Variants in PPP1R12A observed in about 807,000 individuals in gnomAD.
PPP1R12A encodes the protein protein phosphatase 1 regulatory subunit 12A.
PPP1R12A carries 19 observed loss-of-function variants against 139.6 expected under a neutral mutation model. That is an observed-to-expected ratio of 0.14 (90% CI 0.09 to 0.20). The LOEUF is 0.20. Among genes scored for constraint, PPP1R12A ranks in the 10% least tolerant of loss-of-function variants. PPP1R12A has a pLI of 1.00. For synonymous variants in PPP1R12A, 427 were observed against 420.6 expected, an observed-to-expected ratio of 1.02 and a Z score of -0.19; for missense variants, 925 against 1,211.5, an observed-to-expected ratio of 0.76 and a Z score of 3.51.
intron 1 of PPP1R12A, among the ~76,000 whole-genome samples, chr12:79,879,500 G>A (rs1224399849): frequency 6.6e-6 from 1 of 152,050 alleles, no homozygotes; most frequent in Non-Finnish European, 1.5e-5. Flanking sequence ...GTGTAGAAAG[G>A]GAGATCCTAT....
intron 1 of PPP1R12A, among the ~76,000 whole-genome samples, chr12:79,933,170 A>C (rs759300222): frequency 1.3e-5 from 2 of 152,250 alleles, no homozygotes; most frequent in Non-Finnish European, 2.9e-5. Context: ...AATTAATGAA[A>C]TTGAGAAAGC....
intron 6 of PPP1R12A, among the ~76,000 whole-genome samples, chr12:79,821,377 T>C (rs1012060944): frequency 1.3e-5 from 2 of 152,184 alleles, no homozygotes; most frequent in African/African-American, 2.4e-5. Flanking sequence ...AGGGCTAAGA[T>C]GGATTTTTTA....
chr12:79,896,940 A>T (rs192565329), intron 1 of PPP1R12A, among the ~76,000 whole-genome samples: 25 of 152,328 alleles, frequency 1.6e-4, no homozygotes, highest in African/African-American at 6.0e-4. Flanking sequence ...TCAAAAATTA[A>T]AACAACCTCG....
chr12:79,793,722 GCAAA>G (rs1404268800), intron 19 of PPP1R12A, 137 bp downstream of exon 19: 3 of 595,220 alleles, frequency 5.0e-6, no homozygotes, highest in Non-Finnish European at 8.4e-6. Flanking sequence ...TGATCCCCAG[GCAAA>G]CACTGATATT....
At chr12:79,865,715 A>G (rs926795093) in intron 2 of PPP1R12A, among the ~76,000 whole-genome samples, 1 of 152,210 alleles carries the variant, frequency 6.6e-6, no homozygotes, top group Admixed American at 6.5e-5. Context: ...ACTCCCATTC[A>G]CAATTGCTAC....
chr12:79,924,701 T>C (rs926818952), intron 1 of PPP1R12A, among the ~76,000 whole-genome samples: 8 of 152,176 alleles, frequency 5.3e-5, no homozygotes, highest in African/African-American at 1.7e-4. Flanking sequence ...AGTGCTGGGA[T>C]TACAGGCATG....
At chr12:79,834,153 C>T (rs565793842) in intron 3 of PPP1R12A, among the ~76,000 whole-genome samples, 1 of 152,048 alleles carries the variant, frequency 6.6e-6, no homozygotes, top group South Asian at 2.1e-4. Context: ...GGAAAGGAAA[C>T]AGAAAGGGTA....
intron 2 of PPP1R12A, among the ~76,000 whole-genome samples, chr12:79,850,248 A>T (rs570425036): frequency 2.0e-5 from 3 of 152,206 alleles, no homozygotes; most frequent in African/African-American, 7.2e-5. Context: ...GACATGATCC[A>T]AAAGGATTTT....
At chr12:79,912,513 G>A (rs1477406337) in intron 1 of PPP1R12A, among the ~76,000 whole-genome samples, 8 of 151,800 alleles carry the variant, frequency 5.3e-5, no homozygotes, top group Non-Finnish European at 1.2e-4. Flanking sequence ...GCAACATAGC[G>A]AGACCCCCAA....
At chr12:79,778,869 A>G (rs1870064661) in intron 23 of PPP1R12A, 2 of 264,038 alleles carry the variant, frequency 7.6e-6, no homozygotes, top group Non-Finnish European at 1.5e-5. Flanking sequence ...TTTTGAGTTC[A>G]TGTAAAACTT....
At chr12:79,801,388 CTCTT>C (rs943658070) in intron 14 of PPP1R12A, among the ~76,000 whole-genome samples, 2 of 93,430 alleles carry the variant, frequency 2.1e-5, no homozygotes, top group South Asian at 3.5e-4. Flanking sequence ...AAAAAAAAGC[CTCTT>C]TCTTTTGTTA....
intron 1 of PPP1R12A, among the ~76,000 whole-genome samples, chr12:79,914,858 T>TAA (rs748467767): frequency 2.0e-4 from 29 of 144,906 alleles, no homozygotes; most frequent in African/African-American, 7.3e-4. Context: ...TGGTTTTCTA[T>TAA]TAAAAAAAAA....
chr12:79,778,562 T>C lies in PPP1R12A; in HGVS notation c.2994A>G (p.Glu998=). 1 of 1,536,934 alleles carries C rather than the reference T, an allele frequency of 6.5e-7. No individual in the cohort carries two copies. Among genetic ancestry groups the C allele is most frequent in the Non-Finnish European group, 8.8e-7 (1 of 1,137,766 alleles). Residue 998 remains glutamate (E), a synonymous_variant, in exon 24 of 25, where the codon GAA becomes GAG. Transcript: ENST00000450142. ...ATAGTTTACTTACTTTGAGCTCTTC[T>C]TCCATTTCAGATATTCTTCTTTCTA... The part of the protein sequence containing the change: ...RALERRISEM[E]EELKMLPDLK...
At chr12:79,832,709 C>T (rs1877572264) in intron 3 of PPP1R12A, 4 of 373,118 alleles carry the variant, frequency 1.1e-5, no homozygotes, top group South Asian at 8.3e-5. Context: ...TTTTGCTTCA[C>T]AATACTATTT....
chr12:79,844,295 C>T (rs996436988), intron 3 of PPP1R12A, among the ~76,000 whole-genome samples: 3 of 152,142 alleles, frequency 2.0e-5, no homozygotes, highest in Non-Finnish European at 2.9e-5. Flanking sequence ...ATATCTAACA[C>T]GCAAAACAAA....
At chr12:79,911,067 C>T (rs1338025483) in intron 1 of PPP1R12A, among the ~76,000 whole-genome samples, 1 of 152,104 alleles carries the variant, frequency 6.6e-6, no homozygotes, top group East Asian at 1.9e-4. Context: ...CAGCCATGTC[C>T]TAACCTATTT....
chr12:79,866,969 G>A (rs1227946470), intron 2 of PPP1R12A, among the ~76,000 whole-genome samples: 1 of 152,156 alleles, frequency 6.6e-6, no homozygotes, highest in Admixed American at 6.6e-5. Context: ...TCATTACTGG[G>A]TAGATACCCA....
Position 79,814,815 on chromosome 12 carries a change from C to CAAAAAAAA in PPP1R12A, c.1239+2571_1239+2578dup, listed in dbSNP as rs149384466. Among the ~76,000 whole-genome samples, 71 of 69,744 alleles carry CAAAAAAAA rather than the reference C, an allele frequency of 1.0e-3. 1 individual carries two copies. Among genetic ancestry groups the CAAAAAAAA allele is most frequent in the African/African-American group, 4.5e-3 (67 of 14,858 alleles). The allele number at this position is 69,744 out of a possible 152,430, so 45.8% of individuals were successfully genotyped here. On this transcript the variant is annotated intron_variant, in intron 9 of 24. Coordinates refer to ENST00000450142, the MANE Select transcript of PPP1R12A (RefSeq NM_002480.3). Reference sequence around the variant, plus strand: ...GGGTGACAAGAGTGAAACTCTGTCTCAAAAAAAAAAAAAAAAAAAAAAAAA... The same window carrying CAAAAAAAA: ...GGGTGACAAGAGTGAAACTCTGTCTCAAAAAAAAAAAAAAAAAAAAAAAAAAAAAAAAA...
intron 1 of PPP1R12A, among the ~76,000 whole-genome samples, chr12:79,894,971 T>G (rs1236726369): frequency 6.6e-6 from 1 of 152,208 alleles, no homozygotes; most frequent in Non-Finnish European, 1.5e-5. Flanking sequence ...CAAAATTTTT[T>G]TTAAAGAGCC....
Sources: gnomAD v4.1 joint callset for allele counts (sites outside exome capture counted in the v4.1 genomes callset) on GRCh38, gnomAD v4.1.1 for gene constraint, MANE v1.5 for transcripts, NCBI Gene and HGNC (gene_info 2026-07-23, HGNC 2026-07-21) for gene names.